ADK: variants seen among roughly 807,000 people sequenced by gnomAD.
The protein encoded by ADK is adenosine kinase.
ADK carries 24 observed loss-of-function variants against 44.7 expected under a neutral mutation model. That is an observed-to-expected ratio of 0.54 (90% confidence interval 0.39 to 0.76). ADK has a LOEUF of 0.76. ADK is among the 30% of genes least tolerant of loss of function. The pLI is 0.00. For synonymous variants in ADK, 128 were observed against 142.6 expected, an observed-to-expected ratio of 0.90 and a Z score of 0.73; for missense variants, 321 against 425.1, an observed-to-expected ratio of 0.76 and a Z score of 2.15.
At chr10:74,375,126 C>T (rs1842778910) in intron 4 of ADK, among the ~76,000 whole-genome samples, 1 of 152,030 alleles carries the variant, frequency 6.6e-6, no homozygotes, top group African/African-American at 2.4e-5. Flanking sequence ...ATCAGACTCC[C>T]CTTACACTTT....
rs1185036462 is a variant in ADK at position 74,303,588 on chromosome 10, G to GTTTTTTTTTTTTTTTTTTTTTTTT, written c.195-11076_195-11053dup. On this transcript the variant is annotated intron_variant, in intron 3 of 10. Coordinates refer to ENST00000539909, the MANE Select transcript of ADK (RefSeq NM_006721.4). ...CACTTTTCATATTGGTTTTAATGTTGTTTTTTTTTTTTTTTTTTTTTTTTT... is the reference window on the plus strand; with the variant it reads ...CACTTTTCATATTGGTTTTAATGTTGTTTTTTTTTTTTTTTTTTTTTTTTTTTTTTTTTTTTTTTTTTTTTTTTT... Among the ~76,000 whole-genome samples the GTTTTTTTTTTTTTTTTTTTTTTTT allele has an allele frequency of 9.8e-4, 67 of 68,572 alleles. 14 individuals are homozygous for GTTTTTTTTTTTTTTTTTTTTTTTT. Among genetic ancestry groups the GTTTTTTTTTTTTTTTTTTTTTTTT allele is most frequent in the African/African-American group, 4.4e-3 (56 of 12,700 alleles). The allele number at this position is 68,572 out of a possible 152,430, so 45.0% of individuals were successfully genotyped here. A position where few individuals can be genotyped will look rare whatever the true frequency, so the allele number is the denominator to read the frequency against.
chr10:74,433,777 A>T (rs1845083492), intron 6 of ADK, among the ~76,000 whole-genome samples: 1 of 151,942 alleles, frequency 6.6e-6, no homozygotes, highest in Non-Finnish European at 1.5e-5. Flanking sequence ...TATGAGAGTA[A>T]CAGTGTTAAA....
rs144943440 is a variant in ADK at position 74,171,810 on chromosome 10, CTGTG to C, written c.65+20497_65+20500del. Among the ~76,000 whole-genome samples the C allele has an allele frequency of 3.0e-3, 429 of 144,074 alleles. 4 individuals are homozygous for C. Among genetic ancestry groups the C allele is most frequent in the Middle Eastern group, 6.9e-3 (2 of 288 alleles). 94.5% of individuals were successfully genotyped at this position (144,074 alleles called of 152,430 possible). ...TCTCTTTCTGTCTCTCTCTGTCTCT[CTGTG>C]TGTGTGTGTGTGTGTGTGTGTGTGT... On this transcript the variant is annotated intron_variant, in intron 1 of 10. Coordinates refer to ENST00000539909, the MANE Select transcript of ADK (RefSeq NM_006721.4).
intron 7 of ADK, among the ~76,000 whole-genome samples, chr10:74,539,570 T>G (rs565480883): frequency 6.6e-6 from 1 of 152,120 alleles, no homozygotes; most frequent in Non-Finnish European, 1.5e-5. Flanking sequence ...TGCATATAGA[T>G]CTCTTTATTC....
At chr10:74,692,861 A>T (rs1054222669) in intron 10 of ADK, among the ~76,000 whole-genome samples, 1 of 152,180 alleles carries the variant, frequency 6.6e-6, no homozygotes, top group Non-Finnish European at 1.5e-5. Flanking sequence ...TCACAATGAC[A>T]CAATCACCTA....
intron 7 of ADK, among the ~76,000 whole-genome samples, chr10:74,577,818 G>A (rs75650691): frequency 1.7e-3 from 251 of 152,110 alleles, no homozygotes; most frequent in African/African-American, 5.5e-3. Context: ...AAAAACTAGC[G>A]CTCTCTCTTT....
At chr10:74,163,936 C>T (rs1253152546) in intron 1 of ADK, among the ~76,000 whole-genome samples, 2 of 152,122 alleles carry the variant, frequency 1.3e-5, no homozygotes, top group African/African-American at 4.8e-5. Context: ...CAGCTGAGAC[C>T]TTAGTTATCA....
intron 9 of ADK, among the ~76,000 whole-genome samples, chr10:74,665,282 CTTA>C (rs2134180903): frequency 6.6e-6 from 1 of 152,018 alleles, no homozygotes; most frequent in East Asian, 1.9e-4. Context: ...TGGATATTAC[CTTA>C]TTATAAGCAA....
intron 4 of ADK, among the ~76,000 whole-genome samples, chr10:74,318,981 G>A (rs1466078271): frequency 6.8e-6 from 1 of 147,318 alleles, no homozygotes; most frequent in Non-Finnish European, 1.5e-5. Context: ...ATAAGTCACA[G>A]TGAATTTTAC....
intron 8 of ADK, among the ~76,000 whole-genome samples, chr10:74,594,671 TAAAAA>T (rs10709030): frequency 7.6e-6 from 1 of 131,412 alleles, no homozygotes; most frequent in African/African-American, 2.7e-5. Context: ...TACAAATAGG[TAAAAA>T]AAAAAAAAAA....
chr10:74,389,255 G>A (rs1843257694), intron 4 of ADK, among the ~76,000 whole-genome samples: 1 of 152,142 alleles, frequency 6.6e-6, no homozygotes, highest in Non-Finnish European at 1.5e-5. Flanking sequence ...TTATAAACAA[G>A]GTTGAATCTC....
At chr10:74,229,466 C>T (rs916658263) in intron 3 of ADK, among the ~76,000 whole-genome samples, 16 of 141,188 alleles carry the variant, frequency 1.1e-4, no homozygotes, top group Non-Finnish European at 2.1e-4. Context: ...GGCGTGATCT[C>T]GGCTCACTGC....
At chr10:74,413,312 A>G (rs1472220809) in intron 6 of ADK, among the ~76,000 whole-genome samples, 2 of 152,180 alleles carry the variant, frequency 1.3e-5, no homozygotes, top group Admixed American at 1.3e-4. Flanking sequence ...AAAGTCTTCA[A>G]TAGCATCTTC....
intron 3 of ADK, among the ~76,000 whole-genome samples, chr10:74,245,773 T>C (rs1479080916): frequency 6.6e-6 from 1 of 152,050 alleles, no homozygotes; most frequent in Non-Finnish European, 1.5e-5. Flanking sequence ...GTAATTTTAG[T>C]AGAGATGGGG....
intron 6 of ADK, among the ~76,000 whole-genome samples, chr10:74,481,761 A>G (rs151275148): frequency 2.6e-5 from 4 of 151,948 alleles, no homozygotes; most frequent in African/African-American, 9.7e-5. Flanking sequence ...ATCTTCGAAT[A>G]TGGTATTTTC....
intron 4 of ADK, among the ~76,000 whole-genome samples, chr10:74,367,193 G>A (rs1842523272): frequency 6.6e-6 from 1 of 152,016 alleles, no homozygotes; most frequent in South Asian, 2.1e-4. Flanking sequence ...TATACACTCA[G>A]AAAATGTATA....
At chr10:74,228,347 G>T (rs1303880548) in intron 3 of ADK, among the ~76,000 whole-genome samples, 7 of 152,172 alleles carry the variant, frequency 4.6e-5, no homozygotes, top group African/African-American at 1.7e-4. Flanking sequence ...TTCAAGTTGT[G>T]ATGTGATTTA....
At chr10:74,703,280 G>A (rs1335526653) in intron 10 of ADK, among the ~76,000 whole-genome samples, 5 of 152,030 alleles carry the variant, frequency 3.3e-5, no homozygotes, top group East Asian at 1.9e-4. Flanking sequence ...CCAGGAGTTC[G>A]AGACCAGCCT....
chr10:74,495,603 T>C (rs190881512), intron 6 of ADK, among the ~76,000 whole-genome samples: 3 of 152,328 alleles, frequency 2.0e-5, no homozygotes, highest in Admixed American at 6.5e-5. Flanking sequence ...GGTATGTAAG[T>C]GTTCACATAA....
Sources: allele counts gnomAD v4.1 joint callset (sites outside exome capture counted in the v4.1 genomes callset), GRCh38; gene constraint gnomAD v4.1.1; transcripts MANE v1.5; gene names NCBI Gene and HGNC (gene_info 2026-07-23, HGNC 2026-07-21).